The following SLC8B1 variants were observed in gnomAD, a reference collection of about 807,000 sequenced individuals.
SLC8B1 encodes mitochondrial sodium/calcium exchanger protein.
Under a neutral mutation model 63.4 loss-of-function variants are expected in SLC8B1, and 52 were observed. The observed-to-expected ratio is 0.82, with a 90% CI of 0.66 to 1.03. SLC8B1 has a LOEUF of 1.03. Ranked by LOEUF, SLC8B1 falls within the 50% of genes least tolerant of loss-of-function variation. The pLI, the probability that SLC8B1 is intolerant of heterozygous loss-of-function variation, is 0.00. For synonymous variants in SLC8B1, 336 were observed against 323.9 expected, an observed-to-expected ratio of 1.04 and a Z score of -0.40; for missense variants, 657 against 741.7, an observed-to-expected ratio of 0.89 and a Z score of 1.33.
chr12:113,321,203 G>C lies in SLC8B1; in HGVS notation c.302C>G (p.Thr101Ser). 6.2e-7 allele frequency: 1 copy of C among 1,614,116 alleles called. No individual in the cohort carries two copies. The highest frequency in any genetic ancestry group is 8.5e-7 in the Non-Finnish European group (1 of 1,179,962). Residue 101 changes from threonine (T) to serine (S), a missense_variant, in exon 3 of 16, where the codon ACT (threonine) becomes AGT (serine). Physicochemically the swap from Thr to Ser is moderately conservative, Grantham distance 58. Transcript: ENST00000680972. ...CCCAGGGCAGGGCCTCACGTAGAGA[G>C]TGACAGCCAGAGGGAGGAGGCTGGG... ...FPPSLLPLAV[T>S]LYVSWLLYLF...
chr12:113,302,629 C>T (rs1566221835), intron 15 of SLC8B1: 1 of 456,124 alleles, frequency 2.2e-6, no homozygotes, highest in East Asian at 6.9e-5. Flanking sequence ...GCAGTGAAGA[C>T]ATGAGGTACC....
Position 113,299,960 on chromosome 12 carries a change from T to TC in SLC8B1, c.1571dup (p.Leu525ThrfsTer51). 1.2e-6 allele frequency: 2 copies of TC among 1,613,142 alleles called. No homozygotes were observed. Among genetic ancestry groups the TC allele is most frequent in the Non-Finnish European group, 1.7e-6 (2 of 1,179,908 alleles). ...CGCCTGCCAGGACCCACACCAGCAG[T>TC]CCGTCTGGCTCCAGCTGTGGAAGAA... On this transcript the variant is annotated frameshift_variant, in exon 16 of 16. Transcript: ENST00000680972. LOFTEE classifies it high-confidence loss of function.
At chr12:113,329,739 G>C (rs1323083407) in intron 2 of SLC8B1, among the ~76,000 whole-genome samples, 1 of 152,158 alleles carries the variant, frequency 6.6e-6, no homozygotes, top group African/African-American at 2.4e-5. Context: ...CAGAGGTCAG[G>C]CTGGACAGGA....
At chr12:113,307,405 C>T (rs974516209) in intron 13 of SLC8B1, among the ~76,000 whole-genome samples, 4 of 152,068 alleles carry the variant, frequency 2.6e-5, no homozygotes, top group South Asian at 2.1e-4. Flanking sequence ...CAAGCACGGC[C>T]GGCTGCAATG....
chr12:113,331,615 G>A (rs1363210934), intron 2 of SLC8B1, among the ~76,000 whole-genome samples: 3 of 152,020 alleles, frequency 2.0e-5, no homozygotes, highest in Non-Finnish European at 4.4e-5. Flanking sequence ...TGGGACTCTT[G>A]GACCTTCAGC....
chr12:113,330,694 A>G (rs1030537330), intron 2 of SLC8B1, among the ~76,000 whole-genome samples: 1 of 152,164 alleles, frequency 6.6e-6, no homozygotes, highest in Non-Finnish European at 1.5e-5. Flanking sequence ...CCACTTTCCC[A>G]TCTGTAAAAT....
intron 2 of SLC8B1, among the ~76,000 whole-genome samples, chr12:113,324,557 C>A (rs928655135): frequency 2.0e-5 from 3 of 151,016 alleles, no homozygotes; most frequent in East Asian, 2.0e-4. Context: ...CAGGTGCCCA[C>A]CGACACGCCC....
chr12:113,331,013 G>T (rs1231560633), intron 2 of SLC8B1, among the ~76,000 whole-genome samples: 1 of 152,082 alleles, frequency 6.6e-6, no homozygotes, highest in Non-Finnish European at 1.5e-5. Context: ...TCCCTGCCCT[G>T]GGAGGAAGGC....
chr12:113,306,808 GGT>G, intron 13 of SLC8B1: 1 of 545,318 alleles, frequency 1.8e-6, no homozygotes, highest in Non-Finnish European at 3.3e-6. Flanking sequence ...CAACTTTGCA[GGT>G]GTGAAAAACG....
chr12:113,299,824 C>G lies in SLC8B1; in HGVS notation c.1708G>C (p.Val570Leu). 6.2e-7 allele frequency: 1 copy of G among 1,614,178 alleles called. No individual in the cohort carries two copies. The highest frequency in any genetic ancestry group is 8.5e-7 in the Non-Finnish European group (1 of 1,180,042). The change falls in exon 16 of 16, where the codon GTG (valine) becomes CTG (leucine). Residue 570 changes from valine to leucine, a missense_variant. By Grantham distance (32) the Val-to-Leu change is conservative. Coordinates refer to ENST00000680972, the MANE Select transcript of SLC8B1 (RefSeq NM_001358345.2). ...ACTCCAAATTCAGTGAGGAGGGCCA[C>G]GACAAGGAAGTTCAGGTAGAAGAGG... ...LLLFYLNFLVVALLTEFGVIH... is the reference protein window; with the variant it reads ...LLLFYLNFLVLALLTEFGVIH...
intron 8 of SLC8B1, 44 bp from the exon 9 acceptor site, chr12:113,317,045 T>C (rs1366574413): frequency 7.7e-6 from 12 of 1,567,964 alleles, no homozygotes; most frequent in African/African-American, 1.3e-5. Flanking sequence ...CAGACCATTT[T>C]CGAGGGGGCA....
intron 7 of SLC8B1, chr12:113,319,380 G>A: frequency 6.9e-6 from 2 of 289,666 alleles, no homozygotes; most frequent in South Asian, 6.7e-5. Context: ...CAGCCCTGTA[G>A]CTCTGGCTAC....
chr12:113,316,700 T>C (rs1027879525), intron 9 of SLC8B1, 44 bp from the exon 10 acceptor site: 16 of 1,604,324 alleles, frequency 1.0e-5, no homozygotes, highest in Middle Eastern at 4.4e-4. Flanking sequence ...GCGGCTGACT[T>C]GCTCTCCAGG....
intron 2 of SLC8B1, among the ~76,000 whole-genome samples, chr12:113,321,604 C>T: frequency 6.6e-6 from 1 of 151,994 alleles, no homozygotes; most frequent in East Asian, 1.9e-4. Flanking sequence ...CTTTCTTATC[C>T]CTGCCCTCCG....
At chr12:113,309,624 C>T (rs541827987) in intron 12 of SLC8B1, among the ~76,000 whole-genome samples, 45 of 152,284 alleles carry the variant, frequency 3.0e-4, no homozygotes, top group African/African-American at 1.0e-3. Flanking sequence ...GGCGTGGTGG[C>T]TTGCGCCTGT....
chr12:113,322,492 C>A (rs1956944151), intron 2 of SLC8B1, among the ~76,000 whole-genome samples: 1 of 152,202 alleles, frequency 6.6e-6, no homozygotes, highest in African/African-American at 2.4e-5. Flanking sequence ...ACACATGACT[C>A]TCTGAGCACA....
rs1425156107 is a variant in SLC8B1, at chr12:113,323,829, C to T, written c.157-2481G>A. Among the ~76,000 whole-genome samples, 4 of 152,192 alleles carry T rather than the reference C, an allele frequency of 2.6e-5. No homozygotes were observed. The East Asian group carries it at 7.7e-4, about 29-fold the overall frequency. ...ACCTCCTCCACAAGCCCTCTCTGAA[C>T]TCCCACTAACACCAGACTGGAAGTG... On this transcript the variant is annotated intron_variant, in intron 2 of 15. Transcript: ENST00000680972.
At position 113,299,967 on chromosome 12, in the gene SLC8B1, G is replaced by A. The variant is rs1371895021; in HGVS notation, c.1565C>T (p.Pro522Leu). ...SRSHTEVKLE[P>L]DGLLVWVLAG... ...CAGGACCCACACCAGCAGTCCGTCT[G>A]GCTCCAGCTGTGGAAGAATGAGGGG... is the stretch of plus-strand genomic sequence containing the variant. Residue 522 changes from proline (P) to leucine (L), a missense_variant, in exon 16 of 16, where the codon CCA becomes CTA. Coordinates refer to ENST00000680972, the MANE Select transcript of SLC8B1 (RefSeq NM_001358345.2). 2.5e-6 allele frequency: 4 copies of A among 1,613,034 alleles called. No homozygotes were observed. Among genetic ancestry groups the A allele is most frequent in the Admixed American group, 3.3e-5 (2 of 60,018 alleles).
At chr12:113,307,996 C>A (rs999304987) in intron 12 of SLC8B1, 152 bp from the exon 13 acceptor site, 4 of 858,638 alleles carry the variant, frequency 4.7e-6, no homozygotes, top group Non-Finnish European at 6.8e-6. Context: ...GGTGCCTGTG[C>A]AAAGTTAGTG....
Sources: allele counts gnomAD v4.1 joint callset (sites outside exome capture counted in the v4.1 genomes callset), GRCh38; gene constraint gnomAD v4.1.1; transcripts MANE v1.5; gene names NCBI Gene and HGNC (gene_info 2026-07-23, HGNC 2026-07-21).